The following RBM20 variants were observed in gnomAD, a reference collection of about 807,000 sequenced individuals.
RBM20 encodes the protein RNA-binding protein 20.
Under a neutral mutation model 110.1 loss-of-function variants are expected in RBM20, and 51 were observed. The observed-to-expected ratio is 0.46, with a 90% CI of 0.37 to 0.59. RBM20 has a LOEUF of 0.59. RBM20 is among the 20% of genes least tolerant of loss of function. The probability of loss-of-function intolerance (pLI) is 0.00; values close to 1 mark genes in which losing one functional copy is unlikely to be tolerated. For missense variants in RBM20, 1,512 were observed against 1,574.9 expected, an observed-to-expected ratio of 0.96 and a Z score of 0.68; for synonymous variants, 589 against 618.2, an observed-to-expected ratio of 0.95 and a Z score of 0.70.
At chr10:110,656,071 C>A (rs1214272699) in intron 1 of RBM20, among the ~76,000 whole-genome samples, 1 of 152,086 alleles carries the variant, frequency 6.6e-6, no homozygotes, top group African/African-American at 2.4e-5. Context: ...GAGGCCGAGG[C>A]ACGTGGATCA....
At chr10:110,687,843 G>T (rs1188624561) in intron 1 of RBM20, among the ~76,000 whole-genome samples, 1 of 152,074 alleles carries the variant, frequency 6.6e-6, no homozygotes, top group Admixed American at 6.6e-5. Flanking sequence ...CAACATTTAC[G>T]ATACATATAA....
chr10:110,691,365 A>G (rs1862583054), intron 1 of RBM20, among the ~76,000 whole-genome samples: 1 of 152,252 alleles, frequency 6.6e-6, no homozygotes, highest in South Asian at 2.1e-4. Context: ...ACTGTTTCCC[A>G]CAGTGGCTGA....
In RBM20 at chr10:110,803,332, T is replaced by C. The variant is rs185609511; in HGVS notation, c.1800+3414T>C. Among the ~76,000 whole-genome samples, 281 of 152,338 alleles carry C rather than the reference T, an allele frequency of 1.8e-3. 1 individual carries two copies. Among genetic ancestry groups the C allele is most frequent in the African/African-American group, 6.2e-3 (259 of 41,574 alleles). ...TGTTATAGTGTGTTATCATGATCTC[T>C]GTTGTCTATGTGAAAAAAACCTGAG... On this transcript the variant is annotated intron_variant, in intron 7 of 13. Coordinates refer to ENST00000369519, the MANE Select transcript of RBM20 (RefSeq NM_001134363.3).
intron 1 of RBM20, among the ~76,000 whole-genome samples, chr10:110,664,465 G>A (rs552166719): frequency 6.6e-6 from 1 of 152,192 alleles, no homozygotes; most frequent in South Asian, 2.1e-4. Flanking sequence ...CAGTAGTTTC[G>A]GCCGGGCTTG....
chr10:110,811,757 T>G (rs1010121514), intron 8 of RBM20, among the ~76,000 whole-genome samples: 12 of 152,124 alleles, frequency 7.9e-5, no homozygotes, highest in Admixed American at 7.9e-4. Flanking sequence ...GAGAAATAAA[T>G]GAGAAAACTG....
At chr10:110,678,507 T>G (rs557322171) in intron 1 of RBM20, among the ~76,000 whole-genome samples, 31 of 152,358 alleles carry the variant, frequency 2.0e-4, no homozygotes, top group Middle Eastern at 3.4e-3. Context: ...TATTGTGTGA[T>G]TTCTCCCTTA....
At chr10:110,732,585 C>T (rs1404831241) in intron 1 of RBM20, among the ~76,000 whole-genome samples, 1 of 152,190 alleles carries the variant, frequency 6.6e-6, no homozygotes, top group Non-Finnish European at 1.5e-5. Context: ...TTCTCAAACT[C>T]CGGTTTTGCC....
At chr10:110,818,400 TAC>T (rs1376392232) in intron 9 of RBM20, among the ~76,000 whole-genome samples, 1 of 151,826 alleles carries the variant, frequency 6.6e-6, no homozygotes, top group African/African-American at 2.4e-5. Flanking sequence ...TGGGGGAAGG[TAC>T]AGAGCAGAAG....
rs2135099612 is a variant in RBM20 at position 110,810,325 on chromosome 10, C to G, written c.1801-58C>G. 2.3e-6 allele frequency: 3 copies of G among 1,292,630 alleles called. No individual in the cohort carries two copies. In the East Asian group the frequency reaches 7.6e-5, roughly 33 times the overall value. The allele number at this position is 1,292,630 out of a possible 1,614,324, so 80.1% of individuals were successfully genotyped here. On this transcript the variant is annotated intron_variant, in intron 7 of 13. Coordinates refer to ENST00000369519, the MANE Select transcript of RBM20 (RefSeq NM_001134363.3). The stretch of plus-strand genomic sequence containing the variant: ...TGAATGACCCAGGTCAGAGCTGCTT[C>G]CCTCAGGTGTTTGCAAGGCCATCTC...
chr10:110,785,832 G>GT (rs1387891556), intron 5 of RBM20, among the ~76,000 whole-genome samples: 2 of 151,992 alleles, frequency 1.3e-5, no homozygotes, highest in Non-Finnish European at 2.9e-5. Context: ...AGCTTTTTAT[G>GT]TTTTTTTAAG....
intron 1 of RBM20, among the ~76,000 whole-genome samples, chr10:110,703,261 C>T (rs1862786164): frequency 6.6e-6 from 1 of 151,502 alleles, no homozygotes; most frequent in South Asian, 2.1e-4. Flanking sequence ...ACCTGTAATT[C>T]CAGCTACTCG....
intron 1 of RBM20, among the ~76,000 whole-genome samples, chr10:110,737,177 CAAAAA>C (rs550138775): frequency 1.9e-4 from 5 of 26,620 alleles, no homozygotes; most frequent in Admixed American, 3.8e-4. Context: ...AACTCTGCCT[CAAAAA>C]AAAAAAAAAA....
chr10:110,785,511 G>A (rs6585013), intron 5 of RBM20, among the ~76,000 whole-genome samples: 29,158 of 152,000 alleles, frequency 0.19, 2,967 homozygotes, highest in Non-Finnish European at 0.23. Context: ...AGCCGAGATC[G>A]CACCACTGCA....
intron 9 of RBM20, among the ~76,000 whole-genome samples, chr10:110,813,790 A>T (rs1398440701): frequency 6.7e-6 from 1 of 149,852 alleles, no homozygotes; most frequent in African/African-American, 2.5e-5. Flanking sequence ...AGCCGAGATC[A>T]TGTCTTTGCA....
At chr10:110,763,056 C>T (rs1038615717) in intron 1 of RBM20, among the ~76,000 whole-genome samples, 1 of 152,124 alleles carries the variant, frequency 6.6e-6, no homozygotes, top group Non-Finnish European at 1.5e-5. Flanking sequence ...CTGAGGCCAA[C>T]GGAGCCTGGG....
intron 1 of RBM20, among the ~76,000 whole-genome samples, chr10:110,665,415 AG>A (rs1157911301): frequency 6.6e-6 from 1 of 152,200 alleles, no homozygotes; most frequent in Non-Finnish European, 1.5e-5. Flanking sequence ...AGAAAATACA[AG>A]GGATGCAGGA....
At chr10:110,724,475 G>A (rs143853599) in intron 1 of RBM20, among the ~76,000 whole-genome samples, 77 of 152,246 alleles carry the variant, frequency 5.1e-4, no homozygotes, top group African/African-American at 1.7e-3. Context: ...AGAGTGCTTC[G>A]TCAAGATTTT....
intron 1 of RBM20, among the ~76,000 whole-genome samples, chr10:110,716,423 G>A (rs1557029): frequency 0.7 from 106,864 of 152,144 alleles, 38,094 homozygotes; most frequent in East Asian, 1. Flanking sequence ...CTAATTAAAC[G>A]TGTACTGTTT....
intron 9 of RBM20, among the ~76,000 whole-genome samples, chr10:110,814,256 C>A (rs1032201834): frequency 1.3e-5 from 2 of 152,096 alleles, no homozygotes; most frequent in African/African-American, 4.8e-5. Flanking sequence ...TAGGTGCAGG[C>A]GAGCCAAAGG....
Sources: gnomAD v4.1 joint callset for allele counts (sites outside exome capture counted in the v4.1 genomes callset) on GRCh38, gnomAD v4.1.1 for gene constraint, MANE v1.5 for transcripts, NCBI Gene and HGNC (gene_info 2026-07-23, HGNC 2026-07-21) for gene names.